The following RORA variants were observed in gnomAD, a reference collection of about 807,000 sequenced individuals.
RORA encodes the protein RAR related orphan receptor A.
In RORA, 7 loss-of-function variants were observed where a neutral mutation model predicts 69.5. The observed-to-expected ratio is 0.10, with a 90% confidence interval of 0.06 to 0.19. The LOEUF (loss-of-function observed/expected upper bound fraction) is 0.19, where lower values mean the gene tolerates loss of function less well. Ranked by LOEUF, RORA falls within the 10% of genes least tolerant of loss-of-function variation. The pLI, the probability that RORA is intolerant of heterozygous loss-of-function variation, is 1.00. For missense variants in RORA, 457 were observed against 663.0 expected, an observed-to-expected ratio of 0.69 and a Z score of 3.41; for synonymous variants, 261 against 240.8, an observed-to-expected ratio of 1.08 and a Z score of -0.78.
chr15:60,889,013 C>T (rs1024709582), intron 1 of RORA, among the ~76,000 whole-genome samples: 20 of 152,358 alleles, frequency 1.3e-4, no homozygotes, highest in African/African-American at 4.3e-4. Context: ...GCTGCTCACG[C>T]TGTTTAAGAG....
chr15:60,803,335 G>A (rs921475070), intron 1 of RORA, among the ~76,000 whole-genome samples: 36 of 152,210 alleles, frequency 2.4e-4, no homozygotes, highest in African/African-American at 8.7e-4. Context: ...CTTCACTCAG[G>A]GAAGGGGGAT....
chr15:60,990,540 T>A (rs1894341285), intron 1 of RORA, among the ~76,000 whole-genome samples: 1 of 152,214 alleles, frequency 6.6e-6, no homozygotes, highest in Non-Finnish European at 1.5e-5. Flanking sequence ...AAACAGCCAA[T>A]ACCTTTATCA....
Position 60,678,657 on chromosome 15 carries a change from A to T in RORA, c.196T>A (p.Ser66Thr). 2 of 1,611,046 alleles carry T rather than the reference A, an allele frequency of 1.2e-6. No individual in the cohort carries two copies. The highest frequency in any genetic ancestry group is 1.7e-6 in the Non-Finnish European group (2 of 1,177,224). The part of the protein sequence containing the change: ...GISVTKKTHT[S>T]QIEIIPCKIC... ...GACAGAAAAAAAATGCATTACTTAC[A>T]TGTATGTGTCTTCTTCGTTACTGAG... The change falls in exon 2 of 11, where the codon TCT (serine) becomes ACT (threonine). Residue 66 changes from serine (S) to threonine (T), a missense_variant and splice_region_variant. Coordinates refer to ENST00000335670, the MANE Select transcript of RORA (RefSeq NM_134261.3).
chr15:60,876,328 G>A (rs576765935), intron 1 of RORA, among the ~76,000 whole-genome samples: 1,808 of 121,522 alleles, frequency 0.015, 93 homozygotes, highest in Non-Finnish European at 0.023. Flanking sequence ...GGGGGGGGGC[G>A]GCTAGGAGAC....
At chr15:61,132,512 A>T (rs1166056789) in intron 1 of RORA, among the ~76,000 whole-genome samples, 1 of 152,246 alleles carries the variant, frequency 6.6e-6, no homozygotes, top group Non-Finnish European at 1.5e-5. Context: ...TTATTTTTAT[A>T]GTAATCACAA....
At chr15:61,049,782 C>T (rs1421693428) in intron 1 of RORA, among the ~76,000 whole-genome samples, 1 of 152,160 alleles carries the variant, frequency 6.6e-6, no homozygotes, top group African/African-American at 2.4e-5. Context: ...GCCTCAGCCT[C>T]CTGAGTCGCT....
intron 1 of RORA, among the ~76,000 whole-genome samples, chr15:61,017,411 A>G (rs942984010): frequency 2.0e-5 from 3 of 152,252 alleles, no homozygotes; most frequent in African/African-American, 4.8e-5. Flanking sequence ...GTATTAAGAT[A>G]TGCTGAGAGC....
chr15:60,901,333 A>T (rs1891385846), intron 1 of RORA, among the ~76,000 whole-genome samples: 1 of 152,126 alleles, frequency 6.6e-6, no homozygotes, highest in Non-Finnish European at 1.5e-5. Flanking sequence ...CACCACACCC[A>T]GCTAATTTTT....
At chr15:61,022,205 A>G (rs1251511516) in intron 1 of RORA, among the ~76,000 whole-genome samples, 1 of 152,250 alleles carries the variant, frequency 6.6e-6, no homozygotes, top group Non-Finnish European at 1.5e-5. Context: ...CTATAAAATC[A>G]TGATAACAAA....
At chr15:60,506,149 G>A (rs2065493752) in intron 5 of RORA, among the ~76,000 whole-genome samples, 1 of 152,170 alleles carries the variant, frequency 6.6e-6, no homozygotes, top group Non-Finnish European at 1.5e-5. Flanking sequence ...GTGTAGTTGT[G>A]AAGCCACATA....
At chr15:60,960,729 A>G (rs1415757597) in intron 1 of RORA, among the ~76,000 whole-genome samples, 1 of 151,594 alleles carries the variant, frequency 6.6e-6, no homozygotes, top group African/African-American at 2.4e-5. Context: ...ACGGGCCTCC[A>G]AAGGCTGGCT....
At chr15:60,813,547 G>C (rs2140369680) in intron 1 of RORA, among the ~76,000 whole-genome samples, 1 of 152,298 alleles carries the variant, frequency 6.6e-6, no homozygotes, top group African/African-American at 2.4e-5. Context: ...CTAAAATCTA[G>C]TCTTCAAAAT....
intron 1 of RORA, among the ~76,000 whole-genome samples, chr15:60,688,120 A>G (rs1347857675): frequency 6.6e-6 from 1 of 152,236 alleles, no homozygotes; most frequent in Non-Finnish European, 1.5e-5. Flanking sequence ...CAAATAAAGC[A>G]TGATATGTTT....
At chr15:60,844,682 C>T (rs1210566443) in intron 1 of RORA, among the ~76,000 whole-genome samples, 1 of 152,194 alleles carries the variant, frequency 6.6e-6, no homozygotes, top group Non-Finnish European at 1.5e-5. Context: ...AGATGATACC[C>T]TCAGCGAGGC....
intron 1 of RORA, among the ~76,000 whole-genome samples, chr15:60,690,767 A>G (rs2070811769): frequency 6.6e-6 from 1 of 152,218 alleles, no homozygotes; most frequent in East Asian, 1.9e-4. Context: ...TTAGGAGCAG[A>G]GCAAAAAGTA....
At chr15:61,054,744 C>T (rs553050504) in intron 1 of RORA, among the ~76,000 whole-genome samples, 35 of 151,974 alleles carry the variant, frequency 2.3e-4, no homozygotes, top group Non-Finnish European at 4.3e-4. Context: ...ATTCTTTGGG[C>T]TGTACTAATC....
intron 1 of RORA, among the ~76,000 whole-genome samples, chr15:60,755,566 T>A (rs932182118): frequency 6.6e-6 from 1 of 152,136 alleles, no homozygotes; most frequent in Non-Finnish European, 1.5e-5. Context: ...CCACACCGAC[T>A]TTCACAATGG....
chr15:60,900,689 C>T (rs1016898057), intron 1 of RORA, among the ~76,000 whole-genome samples: 3 of 151,952 alleles, frequency 2.0e-5, no homozygotes, highest in Admixed American at 6.6e-5. Context: ...CTGGCCAACA[C>T]GGTGAAACCC....
intron 1 of RORA, among the ~76,000 whole-genome samples, chr15:60,853,597 A>G (rs2073348438): frequency 6.6e-6 from 1 of 152,232 alleles, no homozygotes; most frequent in Non-Finnish European, 1.5e-5. Context: ...CAACCCTTTG[A>G]ATTTGGAAAC....
Sources: gnomAD v4.1 joint callset for allele counts (sites outside exome capture counted in the v4.1 genomes callset) on GRCh38, gnomAD v4.1.1 for gene constraint, MANE v1.5 for transcripts, NCBI Gene and HGNC (gene_info 2026-07-23, HGNC 2026-07-21) for gene names.